Variants in NEDD4L observed in about 807,000 individuals in gnomAD.
NEDD4L encodes NEDD4 like E3 ubiquitin protein ligase.
In NEDD4L, 54 loss-of-function variants were observed where a neutral mutation model predicts 148.9. The ratio of observed to expected loss-of-function variants is 0.36; its 90% CI spans 0.29 to 0.45. The LOEUF (loss-of-function observed/expected upper bound fraction) is 0.45, where lower values mean the gene tolerates loss of function less well. Ranked by LOEUF, NEDD4L falls within the 20% of genes least tolerant of loss-of-function variation. The pLI, the probability that NEDD4L is intolerant of heterozygous loss-of-function variation, is 1.00. For synonymous variants in NEDD4L, 433 were observed against 440.7 expected (o/e 0.98, Z 0.22); for missense variants, 856 against 1,233.8 (o/e 0.69, Z 4.59).
chr18:58,371,000 C>T (rs763417672), intron 23 of NEDD4L, among the ~76,000 whole-genome samples: 1 of 152,042 alleles, frequency 6.6e-6, no homozygotes, highest in African/African-American at 2.4e-5. Context: ...ATTAATTTTA[C>T]CTAGACAGAC....
chr18:58,045,367 G>A (rs1435780320), intron 1 of NEDD4L: 2 of 385,416 alleles, frequency 5.2e-6, no homozygotes, highest in African/African-American at 2.1e-5. Context: ...TTGCAGCCCT[G>A]CCATTTTTTC....
intron 1 of NEDD4L, among the ~76,000 whole-genome samples, chr18:58,120,536 T>C (rs961813541): frequency 6.6e-6 from 1 of 152,020 alleles, no homozygotes; most frequent in East Asian, 1.9e-4. Context: ...TCCCAGCACG[T>C]TGGGAGGCTG....
chr18:58,374,946 C>T (rs1464804649), intron 24 of NEDD4L, among the ~76,000 whole-genome samples: 2 of 152,214 alleles, frequency 1.3e-5, no homozygotes, highest in Admixed American at 6.5e-5. Context: ...GCCTTCCAGC[C>T]TCCAGAATTC....
At position 58,171,813 on chromosome 18, in the gene NEDD4L, C is replaced by T. The variant is rs144904546; in HGVS notation, c.122+5952C>T. 6.2e-3 allele frequency among the ~76,000 whole-genome samples: 951 copies of T among 152,226 alleles called. 14 individuals are homozygous for T. The highest frequency in any genetic ancestry group is 0.022 in the African/African-American group (898 of 41,536). ...GCTCTTTGTGGACCAGCACAGGAGG[C>T]CTGCCTAGGGCTTGGATGAAAAATG... is the stretch of plus-strand genomic sequence containing the variant. On this transcript the variant is annotated intron_variant, in intron 2 of 30. Transcript: ENST00000400345.
chr18:58,066,702 C>T (rs2082617042), intron 1 of NEDD4L, among the ~76,000 whole-genome samples: 2 of 152,072 alleles, frequency 1.3e-5, no homozygotes, highest in Non-Finnish European at 2.9e-5. Flanking sequence ...CACGATTCTG[C>T]AGGTTGTACA....
intron 1 of NEDD4L, among the ~76,000 whole-genome samples, chr18:58,162,500 A>G (rs34667085): frequency 0.067 from 10,123 of 151,592 alleles, 452 homozygotes; most frequent in Non-Finnish European, 0.1. Context: ...TCCTCTCCCC[A>G]GTTGCTTTTT....
rs374852363 is a variant in NEDD4L at position 58,364,243 on chromosome 18, C to A, written c.1768-25C>A. On this transcript the variant is annotated intron_variant, in intron 19 of 30. Coordinates refer to ENST00000400345, the MANE Select transcript of NEDD4L (RefSeq NM_001144967.3). Reference sequence around the variant, plus strand: ...ATTTCAGGTGTATTGTTTGCATTATCTATATTTATAAATTTATCTTCCAGG... The same window carrying A: ...ATTTCAGGTGTATTGTTTGCATTATATATATTTATAAATTTATCTTCCAGG... The A allele has an allele frequency of 1.1e-5, 15 of 1,387,156 alleles. No individual in the cohort carries two copies. In the African/African-American group the frequency reaches 1.9e-4, roughly 17 times the overall value. The allele number at this position is 1,387,156 out of a possible 1,614,324, so 85.9% of individuals were successfully genotyped here.
intron 27 of NEDD4L, 60 bp downstream of exon 27, chr18:58,387,558 T>A (rs1015508529): frequency 4.0e-5 from 56 of 1,406,256 alleles, no homozygotes; most frequent in Non-Finnish European, 5.0e-5. Flanking sequence ...TCTCATTACT[T>A]TACAAGTAAT....
At chr18:58,107,683 G>A (rs1014976172) in intron 1 of NEDD4L, among the ~76,000 whole-genome samples, 1 of 150,956 alleles carries the variant, frequency 6.6e-6, no homozygotes, top group Non-Finnish European at 1.5e-5. Flanking sequence ...CTGTGCCTCT[G>A]CACCCCAAGC....
chr18:58,333,014 C>A (rs2041198817), intron 11 of NEDD4L, among the ~76,000 whole-genome samples: 1 of 152,082 alleles, frequency 6.6e-6, no homozygotes, highest in African/African-American at 2.4e-5. Context: ...TGGAGGCTCA[C>A]ACCTGTAATC....
intron 2 of NEDD4L, among the ~76,000 whole-genome samples, chr18:58,207,069 G>A (rs1340243383): frequency 6.6e-6 from 1 of 152,156 alleles, no homozygotes; most frequent in Admixed American, 6.5e-5. Flanking sequence ...TTAGCATACG[G>A]TTGTTTGCCA....
chr18:58,210,506 C>T (rs897750551), intron 2 of NEDD4L, among the ~76,000 whole-genome samples: 5 of 152,036 alleles, frequency 3.3e-5, no homozygotes, highest in Non-Finnish European at 5.9e-5. Flanking sequence ...TGGAGTGCAA[C>T]GGTGCGATCT....
intron 1 of NEDD4L, among the ~76,000 whole-genome samples, chr18:58,084,754 G>A (rs114678229): frequency 0.041 from 6,185 of 151,212 alleles, 409 homozygotes; most frequent in African/African-American, 0.14. Flanking sequence ...GAATGCAGTG[G>A]TATGATCATG....
chr18:58,110,275 T>C (rs1191947297), intron 1 of NEDD4L, among the ~76,000 whole-genome samples: 2 of 152,108 alleles, frequency 1.3e-5, no homozygotes, highest in Admixed American at 1.3e-4. Context: ...CCACATGGGA[T>C]GGAAGGATGG....
At chr18:58,086,237 A>T (rs1033356387) in intron 1 of NEDD4L, among the ~76,000 whole-genome samples, 15 of 152,236 alleles carry the variant, frequency 9.9e-5, no homozygotes, top group African/African-American at 3.4e-4. Flanking sequence ...CCCAAGATGC[A>T]GAATACTGTG....
intron 11 of NEDD4L, among the ~76,000 whole-genome samples, chr18:58,331,245 G>C (rs2059763465): frequency 6.6e-6 from 1 of 152,166 alleles, no homozygotes; most frequent in African/African-American, 2.4e-5. Context: ...CAGCCAAAAG[G>C]CTCATGAAAA....
At chr18:58,287,169 T>C (rs2054044606) in intron 5 of NEDD4L, among the ~76,000 whole-genome samples, 1 of 151,954 alleles carries the variant, frequency 6.6e-6, no homozygotes, top group Non-Finnish European at 1.5e-5. Flanking sequence ...CTCATTGAAC[T>C]TTATCCTGCT....
At chr18:58,141,644 T>A (rs574224471) in intron 1 of NEDD4L, among the ~76,000 whole-genome samples, 98 of 152,334 alleles carry the variant, frequency 6.4e-4, no homozygotes, top group African/African-American at 2.2e-3. Flanking sequence ...GTTCTGTTTT[T>A]CCCTCTAGTG....
intron 2 of NEDD4L, chr18:58,221,857 G>A: frequency 2.6e-6 from 1 of 390,996 alleles, no homozygotes; most frequent in Non-Finnish European, 3.5e-6. Flanking sequence ...TATGTCAGCG[G>A]CATAGTTCTA....
Sources: allele counts gnomAD v4.1 joint callset (sites outside exome capture counted in the v4.1 genomes callset), GRCh38; gene constraint gnomAD v4.1.1; transcripts MANE v1.5; gene names NCBI Gene and HGNC (gene_info 2026-07-23, HGNC 2026-07-21).